Variants in TXLNG observed in about 807,000 individuals in gnomAD.
TXLNG encodes gamma-taxilin.
In TXLNG, 5 loss-of-function variants were observed where a neutral mutation model predicts 38.8. The observed-to-expected ratio is 0.13, with a 90% CI of 0.07 to 0.27. The LOEUF (loss-of-function observed/expected upper bound fraction) is 0.27. Ranked by LOEUF, TXLNG falls within the 10% of genes least tolerant of loss-of-function variation. The probability of loss-of-function intolerance (pLI) is 1.00; values close to 1 mark genes in which losing one functional copy is unlikely to be tolerated. For missense variants in TXLNG, 393 were observed against 398.2 expected (o/e 0.99, Z 0.11); for synonymous variants, 182 against 158.2 (o/e 1.15, Z -1.13).
chrX:16,831,546 C>T (rs771833268), intron 5 of TXLNG, among the ~76,000 whole-genome samples: 3 of 112,323 alleles, frequency 2.7e-5, no homozygotes, highest in African/African-American at 9.7e-5. Flanking sequence ...ATAGGTTCCC[C>T]CCCTTTATTC....
At chrX:16,827,642 A>T (rs1024505587) in intron 3 of TXLNG, among the ~76,000 whole-genome samples, 3 of 111,832 alleles carry the variant, frequency 2.7e-5, no homozygotes, top group African/African-American at 6.5e-5. Context: ...GGCAAAATTC[A>T]GGACCCCAGG....
In TXLNG at chrX:16,839,946, GTC is replaced by G. The variant is rs766143515; in HGVS notation, c.1248+32_1248+33del. 2.8e-6 allele frequency: 3 copies of G among 1,073,706 alleles called. No homozygotes were observed. The South Asian group carries it at 6.6e-5, about 23-fold the overall frequency. 88.5% of individuals were successfully genotyped at this position (1,073,706 alleles called of 1,213,427 possible). A position where few individuals can be genotyped will look rare whatever the true frequency, so the allele number is the denominator to read the frequency against. ...GATGGTTTCCTGCGACTAAGGTGTAGTCTTAGTCATGGGGACTCCTTGAGTTC... is the reference window on the plus strand; with the variant it reads ...GATGGTTTCCTGCGACTAAGGTGTAGTTAGTCATGGGGACTCCTTGAGTTC... On this transcript the variant is annotated intron_variant, in intron 9 of 9. Coordinates refer to ENST00000380122, the MANE Select transcript of TXLNG (RefSeq NM_018360.3).
chrX:16,832,481 C>CAGAG (rs1375346933), intron 5 of TXLNG, 142 bp from the exon 6 acceptor site: 1 of 810,235 alleles, frequency 1.2e-6, no homozygotes, highest in Admixed American at 2.7e-5. Flanking sequence ...TATACAGGGA[C>CAGAG]AGAGAGAGAG....
rs1284932924 is a variant in TXLNG, at chrX:16,805,180, G to C, written c.103-13394G>C. 2.8e-5 allele frequency among the ~76,000 whole-genome samples: 3 copies of C among 107,980 alleles called. No homozygotes were observed. In the Admixed American group the frequency reaches 3.0e-4, roughly 11 times the overall value. 93.8% of individuals were successfully genotyped at this position (107,980 alleles called of 115,157 possible). On this transcript the variant is annotated intron_variant, in intron 1 of 9. Transcript: ENST00000380122. ...TTTATTTTTAGTAGAGACAGGTCTT[G>C]CTGTGTTGCACAGGCTAGTCTTGAA...
At chrX:16,829,995 G>A (rs1253934992) in intron 5 of TXLNG, among the ~76,000 whole-genome samples, 1 of 111,119 alleles carries the variant, frequency 9.0e-6, no homozygotes, top group Non-Finnish European at 1.9e-5. Flanking sequence ...TAGGAGACCC[G>A]TTTAAGTACT....
intron 8 of TXLNG, 73 bp from the exon 9 acceptor site, chrX:16,839,748 T>C (rs1929724497): frequency 5.1e-6 from 4 of 777,517 alleles, no homozygotes; most frequent in Non-Finnish European, 7.4e-6. Flanking sequence ...CACAGAAACA[T>C]TTTTGTGTAC....
intron 5 of TXLNG, among the ~76,000 whole-genome samples, chrX:16,831,631 TTTAA>T (rs1462303674): frequency 6.2e-5 from 7 of 112,555 alleles, no homozygotes; most frequent in African/African-American, 1.9e-4. Flanking sequence ...TTATAAAGCC[TTTAA>T]TTGTCTTAAA....
chrX:16,797,324 A>G (rs1927926667), intron 1 of TXLNG, among the ~76,000 whole-genome samples: 1 of 110,679 alleles, frequency 9.0e-6, no homozygotes, highest in South Asian at 3.7e-4. Context: ...CTGGTTATCT[A>G]TTGCTGTGTA....
At chrX:16,791,360 T>C (rs985944446) in intron 1 of TXLNG, among the ~76,000 whole-genome samples, 2 of 75,917 alleles carry the variant, frequency 2.6e-5, no homozygotes, top group Non-Finnish European at 5.9e-5. Context: ...GTACAGAGAT[T>C]AAGTAATGAG....
At chrX:16,832,858 GTA>G in intron 6 of TXLNG, 116 bp downstream of exon 6, 1 of 943,810 alleles carries the variant, frequency 1.1e-6, no homozygotes, top group Non-Finnish European at 1.4e-6. Flanking sequence ...TACCTTTAAT[GTA>G]GCACCTGGGG....
At chrX:16,825,188 A>G (rs1428171530) in intron 3 of TXLNG, among the ~76,000 whole-genome samples, 1 of 112,241 alleles carries the variant, frequency 8.9e-6, no homozygotes. Flanking sequence ...GGAAATGCAA[A>G]TTAGGACCAC....
At chrX:16,831,854 C>T (rs1929423453) in intron 5 of TXLNG, among the ~76,000 whole-genome samples, 1 of 112,103 alleles carries the variant, frequency 8.9e-6, no homozygotes, top group Admixed American at 9.4e-5. Context: ...CCTTACTTCA[C>T]CAACCAGCAT....
chrX:16,799,311 C>A (rs778077965), intron 1 of TXLNG, among the ~76,000 whole-genome samples: 6 of 111,281 alleles, frequency 5.4e-5, no homozygotes, highest in African/African-American at 1.6e-4. Flanking sequence ...TTAGGACGTC[C>A]CCTTATAGAA....
intron 9 of TXLNG, among the ~76,000 whole-genome samples, chrX:16,840,824 A>G (rs1166819950): frequency 8.9e-6 from 1 of 111,906 alleles, no homozygotes; most frequent in Non-Finnish European, 1.9e-5. Flanking sequence ...ATCTATGTAG[A>G]AGTGAGTCAT....
intron 1 of TXLNG, 106 bp downstream of exon 1, chrX:16,786,695 C>T: frequency 2.1e-6 from 1 of 487,082 alleles, no homozygotes; most frequent in Non-Finnish European, 2.8e-6. Context: ...AGCCACGGGA[C>T]GAACATCCGG....
At chrX:16,830,346 A>G (rs752709240) in intron 5 of TXLNG, among the ~76,000 whole-genome samples, 2 of 107,454 alleles carry the variant, frequency 1.9e-5, no homozygotes, top group South Asian at 8.4e-4. Context: ...TTTTGGAATT[A>G]TTTTATAAGC....
Position 16,841,665 on chromosome X carries a change from G to A in TXLNG, c.1486G>A (p.Ala496Thr). The change falls in exon 10 of 10, where the codon GCC becomes ACC. Residue 496 changes from alanine (A) to threonine (T), a missense_variant. By Grantham distance (58) the Ala-to-Thr change is moderately conservative. Transcript: ENST00000380122. ...HKELNTSSKRALGAHLEAEPK... is the reference protein window; with the variant it reads ...HKELNTSSKRTLGAHLEAEPK... ...GGAGCTGAACACTTCCTCGAAAAGA[G>A]CCCTGGGAGCGCACCTGGAGGCTGA... 1 of 1,211,796 alleles carries A rather than the reference G, an allele frequency of 8.3e-7. No homozygotes were observed. Among genetic ancestry groups the A allele is most frequent in the Non-Finnish European group, 1.1e-6 (1 of 895,564 alleles).
chrX:16,814,682 G>C (rs752854674), intron 1 of TXLNG, among the ~76,000 whole-genome samples: 6 of 111,663 alleles, frequency 5.4e-5, no homozygotes, highest in Non-Finnish European at 9.4e-5. Context: ...AGTGTGTCTA[G>C]AATAGCCAAA....
chrX:16,831,228 G>A (rs949325253), intron 5 of TXLNG, among the ~76,000 whole-genome samples: 4 of 111,823 alleles, frequency 3.6e-5, no homozygotes, highest in African/African-American at 1.3e-4. Flanking sequence ...GAGCCCAGGA[G>A]TTCGAGACCA....
Sources: allele counts gnomAD v4.1 joint callset (sites outside exome capture counted in the v4.1 genomes callset), GRCh38; gene constraint gnomAD v4.1.1; transcripts MANE v1.5; gene names NCBI Gene and HGNC (gene_info 2026-07-23, HGNC 2026-07-21).